Variants in COL5A2 observed in about 807,000 individuals in gnomAD.
COL5A2 encodes collagen type V alpha 2 chain.
Under a neutral mutation model 208.2 loss-of-function variants are expected in COL5A2, and 23 were observed. The observed-to-expected ratio is 0.11, with a 90% CI of 0.08 to 0.16. COL5A2 has a LOEUF of 0.16. COL5A2 is among the 10% of genes least tolerant of loss of function. The pLI, the probability that COL5A2 is intolerant of heterozygous loss-of-function variation, is 1.00. For synonymous variants in COL5A2, 625 were observed against 628.5 expected (o/e 0.99, Z 0.08); for missense variants, 1,590 against 1,956.4 (o/e 0.81, Z 3.53).
At chr2:189,415,729 G>A in the COL5A2 span, among the ~76,000 whole-genome samples, 6 of 152,108 alleles carry the variant, frequency 3.9e-5, no homozygotes, top group African/African-American at 9.6e-5. Flanking sequence ...GCACGACCTC[G>A]CCTCACTGCA....
chr2:189,426,778 T>G, the COL5A2 span, among the ~76,000 whole-genome samples: 1 of 152,230 alleles, frequency 6.6e-6, no homozygotes, highest in Non-Finnish European at 1.5e-5. Context: ...AAAGGGATGA[T>G]TTAGTGTATC....
At chr2:189,253,314 G>A in the COL5A2 span, among the ~76,000 whole-genome samples, 4 of 152,274 alleles carry the variant, frequency 2.6e-5, no homozygotes, top group East Asian at 7.7e-4. Flanking sequence ...ACTAGTTTAT[G>A]ACTTTTGTCA....
At chr2:189,280,140 C>T in the COL5A2 span, among the ~76,000 whole-genome samples, 124 of 152,092 alleles carry the variant, frequency 8.2e-4, no homozygotes, top group African/African-American at 2.8e-3. Context: ...TTGTGAGAAA[C>T]GAATTTTTGG....
chr2:189,149,035 G>A (rs2105784366), intron 1 of COL5A2, among the ~76,000 whole-genome samples: 1 of 152,296 alleles, frequency 6.6e-6, no homozygotes, highest in East Asian at 1.9e-4. Context: ...ACCCACTGGG[G>A]AGGCTGAGGC....
intron 10 of COL5A2, 110 bp downstream of exon 10, chr2:189,085,609 A>G: frequency 1.1e-6 from 1 of 904,778 alleles, no homozygotes. Flanking sequence ...CTGGATTGTT[A>G]TTTCTTCCTA....
chr2:189,088,587 G>T, intron 8 of COL5A2, 108 bp downstream of exon 8: 1 of 834,914 alleles, frequency 1.2e-6, no homozygotes, highest in Non-Finnish European at 2.1e-6. Context: ...ATGTACGACT[G>T]TGTTTAAGAA....
At chr2:189,202,078 T>G (rs1439599578) in intron 1 of COL5A2, among the ~76,000 whole-genome samples, 4 of 151,708 alleles carry the variant, frequency 2.6e-5, no homozygotes, top group East Asian at 1.9e-4. Flanking sequence ...TGGTAAGAGA[T>G]TAAAGATATT....
At chr2:189,253,929 A>G in the COL5A2 span, among the ~76,000 whole-genome samples, 10 of 152,360 alleles carry the variant, frequency 6.6e-5, no homozygotes, top group South Asian at 2.1e-4. Context: ...CTCTTACAAG[A>G]TAAGTCTGAG....
At chr2:189,265,875 T>C in the COL5A2 span, among the ~76,000 whole-genome samples, 1 of 152,124 alleles carries the variant, frequency 6.6e-6, no homozygotes, top group Non-Finnish European at 1.5e-5. Context: ...CTAGAAGGAA[T>C]GTAAAATGTT....
chr2:189,202,185 G>C (rs1039528413), intron 1 of COL5A2, among the ~76,000 whole-genome samples: 1 of 151,828 alleles, frequency 6.6e-6, no homozygotes, highest in South Asian at 2.1e-4. Context: ...CTAGCAGTGG[G>C]GGGAGAATAC....
At chr2:189,424,821 T>A in the COL5A2 span, among the ~76,000 whole-genome samples, 1 of 152,142 alleles carries the variant, frequency 6.6e-6, no homozygotes, top group East Asian at 1.9e-4. Context: ...CTAAAATTTG[T>A]GTGGAACAAA....
chr2:189,045,260 T>A, intron 46 of COL5A2, 28 bp from the exon 47 acceptor site: 2 of 1,556,972 alleles, frequency 1.3e-6, no homozygotes, highest in East Asian at 4.5e-5. Flanking sequence ...CAAAAAAAAT[T>A]GGCATGTAAA....
Position 189,038,776 on chromosome 2 carries a change from G to A in COL5A2, c.3925+496C>T, listed in dbSNP as rs549490283. On this transcript the variant is annotated intron_variant, in intron 51 of 53. Coordinates refer to ENST00000374866, the MANE Select transcript of COL5A2 (RefSeq NM_000393.5). Reference sequence around the variant, plus strand: ...GCGATCTCAACTCACTGCAAGCTCCGGCTCCTGGGTTCATGCCACTCTCCT... The same window carrying A: ...GCGATCTCAACTCACTGCAAGCTCCAGCTCCTGGGTTCATGCCACTCTCCT... 2.6e-5 allele frequency among the ~76,000 whole-genome samples: 4 copies of A among 152,088 alleles called. No homozygotes were observed. In the South Asian group the frequency reaches 6.2e-4, roughly 24 times the overall value.
the COL5A2 span, among the ~76,000 whole-genome samples, chr2:189,261,439 A>G: frequency 3.9e-5 from 6 of 152,200 alleles, no homozygotes; most frequent in South Asian, 6.2e-4. Context: ...ATTGACTAAA[A>G]CACCAGGAAA....
At chr2:189,149,075 G>A (rs1024338884) in intron 1 of COL5A2, among the ~76,000 whole-genome samples, 1 of 152,168 alleles carries the variant, frequency 6.6e-6, no homozygotes, top group Non-Finnish European at 1.5e-5. Context: ...GGAAGTCAGA[G>A]GTTGCAGTGA....
At position 189,032,737 on chromosome 2, in the gene COL5A2, C is replaced by G. The variant is rs1240428087; in HGVS notation, c.*1333G>C. 6.6e-6 allele frequency: 1 copy of G among 152,488 alleles called. No individual in the cohort carries two copies. Among genetic ancestry groups the G allele is most frequent in the East Asian group, 1.9e-4 (1 of 5,192 alleles). 9.4% of individuals were successfully genotyped at this position (152,488 alleles called of 1,614,324 possible). On this transcript the variant is annotated 3_prime_UTR_variant, in exon 54 of 54. Coordinates refer to ENST00000374866, the MANE Select transcript of COL5A2 (RefSeq NM_000393.5). ...CAAGTATTACAAAGCATTCCAGATA[C>G]AGTATGACAGAGGAACAGTGAACAA...
At chr2:189,115,210 T>C (rs62182413) in intron 1 of COL5A2, among the ~76,000 whole-genome samples, 26,703 of 152,158 alleles carry the variant, frequency 0.18, 2,632 homozygotes, top group Non-Finnish European at 0.23. Flanking sequence ...TTCTCATATA[T>C]CCTCATAGAT....
At chr2:189,172,397 G>T (rs1170554087) in intron 1 of COL5A2, among the ~76,000 whole-genome samples, 1 of 152,158 alleles carries the variant, frequency 6.6e-6, no homozygotes, top group African/African-American at 2.4e-5. Flanking sequence ...CACCACTAGG[G>T]TTTATATCTG....
chr2:189,079,240 A>G lies in COL5A2; in HGVS notation c.961-133T>C, dbSNP rs1686480702. 4.1e-6 allele frequency: 3 copies of G among 731,308 alleles called. No individual in the cohort carries two copies. The South Asian group carries it at 5.0e-5, about 12-fold the overall frequency. 45.3% of individuals were successfully genotyped at this position (731,308 alleles called of 1,614,324 possible). A position where few individuals can be genotyped will look rare whatever the true frequency, so the allele number is the denominator to read the frequency against. On this transcript the variant is annotated intron_variant, in intron 14 of 53. Transcript: ENST00000374866. Reference sequence around the variant, plus strand: ...AGATGTACTTTTGATATAGGATCTCAGAATGTTGTTTTATTACCTCTTCTC... The same window carrying G: ...AGATGTACTTTTGATATAGGATCTCGGAATGTTGTTTTATTACCTCTTCTC...
Sources: gnomAD v4.1 joint callset for allele counts (sites outside exome capture counted in the v4.1 genomes callset) on GRCh38, gnomAD v4.1.1 for gene constraint, MANE v1.5 for transcripts, NCBI Gene and HGNC (gene_info 2026-07-23, HGNC 2026-07-21) for gene names.